Variants in CPS1 observed in about 807,000 individuals in gnomAD.
CPS1 encodes carbamoyl-phosphate synthase [ammonia], mitochondrial.
Under a neutral mutation model 174.6 loss-of-function variants are expected in CPS1, and 109 were observed. The ratio of observed to expected loss-of-function variants is 0.62; its 90% CI spans 0.53 to 0.73. CPS1 has a LOEUF of 0.73. Ranked by LOEUF, CPS1 falls within the 30% of genes least tolerant of loss-of-function variation. The pLI, the probability that CPS1 is intolerant of heterozygous loss-of-function variation, is 0.00. For missense variants in CPS1, 1,689 were observed against 1,821.9 expected (o/e 0.93, Z 1.33); for synonymous variants, 637 against 632.0 (o/e 1.01, Z -0.12).
intron 1 of CPS1, among the ~76,000 whole-genome samples, chr2:210,535,583 C>T (rs1396525955): frequency 6.6e-6 from 1 of 151,986 alleles, no homozygotes; most frequent in East Asian, 1.9e-4. Context: ...TTTAAAAAAG[C>T]CAGATTTGAA....
At chr2:210,625,490 C>T (rs751554450) in intron 21 of CPS1, among the ~76,000 whole-genome samples, 1 of 152,006 alleles carries the variant, frequency 6.6e-6, no homozygotes, top group Non-Finnish European at 1.5e-5. Flanking sequence ...GTCTCTATCC[C>T]ATATTTTATG....
At chr2:210,651,533 C>T (rs753833316) in intron 28 of CPS1, among the ~76,000 whole-genome samples, 3 of 152,196 alleles carry the variant, frequency 2.0e-5, no homozygotes, top group Non-Finnish European at 4.4e-5. Context: ...CCATGCGGCC[C>T]TTTTCAGAGG....
intron 1 of CPS1, among the ~76,000 whole-genome samples, chr2:210,511,991 T>A (rs1695507617): frequency 6.6e-6 from 1 of 152,020 alleles, no homozygotes; most frequent in Non-Finnish European, 1.5e-5. Flanking sequence ...GATTCACCAA[T>A]TAATTGCCTC....
intron 1 of CPS1, among the ~76,000 whole-genome samples, chr2:210,486,103 TACACACACAC>T (rs1280659493): frequency 7.7e-5 from 8 of 103,916 alleles, no homozygotes; most frequent in East Asian, 3.3e-4. Context: ...CATATATATA[TACACACACAC>T]ATACACACAC....
intron 16 of CPS1, among the ~76,000 whole-genome samples, chr2:210,603,961 T>C (rs1212518221): frequency 1.3e-5 from 2 of 151,902 alleles, no homozygotes; most frequent in Non-Finnish European, 2.9e-5. Flanking sequence ...GTGAAGATAA[T>C]TTCAAATTTT....
upstream of CPS1, among the ~76,000 whole-genome samples, chr2:210,553,483 T>TA (rs904729909): frequency 6.4e-4 from 94 of 147,306 alleles, no homozygotes; most frequent in African/African-American, 1.8e-3. Context: ...AGACTAAATC[T>TA]AAAAAAAAAA....
intron 17 of CPS1, among the ~76,000 whole-genome samples, chr2:210,605,462 A>G (rs1698875646): frequency 6.6e-6 from 1 of 151,934 alleles, no homozygotes; most frequent in Non-Finnish European, 1.5e-5. Context: ...CGGATATTAC[A>G]CTGAGTTAAT....
chr2:210,579,626 A>G (rs1697842130), intron 4 of CPS1, 88 bp from the exon 5 acceptor site: 1 of 988,000 alleles, frequency 1.0e-6, no homozygotes. Context: ...GCTCAAGAAG[A>G]TAGATGAGGC....
At chr2:210,546,404 TA>T (rs1696566476) in intron 1 of CPS1, among the ~76,000 whole-genome samples, 1 of 152,122 alleles carries the variant, frequency 6.6e-6, no homozygotes, top group Admixed American at 6.5e-5. Flanking sequence ...GCACTGTAGT[TA>T]AGCAGTGTGG....
chr2:210,602,782 T>G (rs866952094), intron 16 of CPS1, among the ~76,000 whole-genome samples: 1 of 151,944 alleles, frequency 6.6e-6, no homozygotes, highest in African/African-American at 2.4e-5. Flanking sequence ...CAAAGCACAT[T>G]GAGTAGTTTG....
At position 210,648,439 on chromosome 2, in the gene CPS1, C is replaced by T. The variant is rs780598163; in HGVS notation, c.3337-34C>T. ...TAATTTTATTGCATATTTTAAACTA[C>T]TCATACATTTTTATTGTTGTTTCTA... On this transcript the variant is annotated intron_variant, in intron 26 of 37. Transcript: ENST00000233072. 11 of 1,534,686 alleles carry T rather than the reference C, an allele frequency of 7.2e-6. No individual in the cohort carries two copies. In the South Asian group the frequency reaches 1.1e-4, roughly 16 times the overall value.
intron 25 of CPS1, among the ~76,000 whole-genome samples, chr2:210,647,007 T>C (rs1700398583): frequency 6.6e-6 from 1 of 152,084 alleles, no homozygotes; most frequent in South Asian, 2.1e-4. Flanking sequence ...TACACAAATG[T>C]CTGAAATAAG....
In CPS1 at chr2:210,660,478, T is replaced by C. The variant is rs1574654116; in HGVS notation, c.3757-7T>C. On this transcript the variant is annotated splice_polypyrimidine_tract_variant and splice_region_variant and intron_variant, in intron 31 of 37. Transcript: ENST00000233072. Reference sequence around the variant, plus strand: ...CCTCTTTCTCATTTTGAATTTTATCTCTTCAGGTGATTGAGTGTAACTTGA... The same window carrying C: ...CCTCTTTCTCATTTTGAATTTTATCCCTTCAGGTGATTGAGTGTAACTTGA... The C allele has an allele frequency of 6.2e-7, 1 of 1,613,936 alleles. No homozygotes were observed.
intron 1 of CPS1, among the ~76,000 whole-genome samples, chr2:210,533,748 G>A (rs1033088989): frequency 2.0e-5 from 3 of 152,132 alleles, no homozygotes; most frequent in Admixed American, 2.0e-4. Flanking sequence ...TTGCAGTTTA[G>A]AGGCTTCTTG....
chr2:210,667,930 C>A (rs1299113084), intron 33 of CPS1, among the ~76,000 whole-genome samples: 1 of 152,168 alleles, frequency 6.6e-6, no homozygotes, highest in Non-Finnish European at 1.5e-5. Flanking sequence ...ATTGCTTATT[C>A]ATTCATTATG....
chr2:210,496,426 C>CAAAT (rs1694993459), intron 1 of CPS1, among the ~76,000 whole-genome samples: 1 of 152,072 alleles, frequency 6.6e-6, no homozygotes, highest in Admixed American at 6.5e-5. Flanking sequence ...CTTCTAGACA[C>CAAAT]AAATAAGAGC....
chr2:210,566,454 T>A (rs1697306253), intron 1 of CPS1, among the ~76,000 whole-genome samples: 1 of 152,172 alleles, frequency 6.6e-6, no homozygotes, highest in Admixed American at 6.5e-5. Flanking sequence ...TTTGACAATT[T>A]ACAGATTTAT....
chr2:210,529,129 A>C (rs1696050389), intron 1 of CPS1, among the ~76,000 whole-genome samples: 1 of 151,914 alleles, frequency 6.6e-6, no homozygotes, highest in Non-Finnish European at 1.5e-5. Flanking sequence ...AATCATGAGA[A>C]AGAAATAACT....
chr2:210,582,588 T>G, intron 5 of CPS1, 29 bp from the exon 6 acceptor site: 2 of 1,555,030 alleles, frequency 1.3e-6, no homozygotes, highest in Non-Finnish European at 1.8e-6. Context: ...TTGCTTCCTT[T>G]TAACTGTCTA....
Sources: allele counts gnomAD v4.1 joint callset (sites outside exome capture counted in the v4.1 genomes callset), GRCh38; gene constraint gnomAD v4.1.1; transcripts MANE v1.5; gene names NCBI Gene and HGNC (gene_info 2026-07-23, HGNC 2026-07-21).